The following DLG5 variants were observed in gnomAD, a reference collection of about 807,000 sequenced individuals.
DLG5 encodes disks large homolog 5.
A neutral mutation model predicts 189.8 loss-of-function variants in DLG5; 48 were observed. The ratio of observed to expected loss-of-function variants is 0.25; its 90% CI spans 0.20 to 0.32. DLG5 has a LOEUF of 0.32. Among genes scored for constraint, DLG5 ranks in the 10% least tolerant of loss-of-function variants. The probability of loss-of-function intolerance (pLI) is 1.00; values close to 1 mark genes in which losing one functional copy is unlikely to be tolerated. For synonymous variants in DLG5, 1,016 were observed against 1,054.1 expected, an observed-to-expected ratio of 0.96 and a Z score of 0.70; for missense variants, 2,160 against 2,544.7, an observed-to-expected ratio of 0.85 and a Z score of 3.25.
chr10:77,800,303 T>C (rs1841133304), intron 27 of DLG5, among the ~76,000 whole-genome samples: 1 of 152,184 alleles, frequency 6.6e-6, no homozygotes, highest in African/African-American at 2.4e-5. Flanking sequence ...TTTGAAGGCA[T>C]CGTAGAGTGG....
At chr10:77,852,516 C>T (rs535758104) in intron 5 of DLG5, among the ~76,000 whole-genome samples, 9 of 152,156 alleles carry the variant, frequency 5.9e-5, no homozygotes, top group Admixed American at 2.6e-4. Flanking sequence ...GCCGGGTTCA[C>T]GCCATTCTCC....
chr10:77,921,465 C>CT (rs1846532077), intron 1 of DLG5, among the ~76,000 whole-genome samples: 2 of 152,216 alleles, frequency 1.3e-5, no homozygotes, highest in South Asian at 2.1e-4. Context: ...ACTTCCAGCT[C>CT]TAATTTCTGA....
rs1384001658 is a variant in DLG5 at position 77,796,803 on chromosome 10, C to G, written c.5165-209G>C. ...CACCCCCCATGCCCTCTGTGAACACCAGAGGCAGCTGGTCTCAACCACTCA... is the reference window on the plus strand; with the variant it reads ...CACCCCCCATGCCCTCTGTGAACACGAGAGGCAGCTGGTCTCAACCACTCA... On this transcript the variant is annotated intron_variant, in intron 27 of 31. Coordinates refer to ENST00000372391, the MANE Select transcript of DLG5 (RefSeq NM_004747.4). This position sits in a 1 kb window ranked among gnomAD's most constrained non-coding sequence, Gnocchi z 5.2. Among the ~76,000 whole-genome samples, 1 of 152,210 alleles carries G rather than the reference C, an allele frequency of 6.6e-6. No homozygotes were observed. Among genetic ancestry groups the G allele is most frequent in the Non-Finnish European group, 1.5e-5 (1 of 68,042 alleles).
In DLG5 at chr10:77,806,781, G is replaced by A. The variant is rs769363278; in HGVS notation, c.4944C>T (p.Arg1648=). Residue 1648 remains arginine (R), a synonymous_variant, in exon 26 of 32, where the codon CGC becomes CGT. Transcript: ENST00000372391. ...ACACATATTTGCTGGGAATCTGCCC[G>A]CGCTGGATCTTCTGGGCATTCTCGT... ...QLDENAQKIQ[R]GQIPSKYVMD... is the part of the protein sequence containing the mutation. 2.1e-5 allele frequency: 28 copies of A among 1,364,000 alleles called. No homozygotes were observed. The highest frequency in any genetic ancestry group is 8.0e-5 in the South Asian group (7 of 87,846). The allele number at this position is 1,364,000 out of a possible 1,614,324, so 84.5% of individuals were successfully genotyped here. A position where few individuals can be genotyped will look rare whatever the true frequency, so the allele number is the denominator to read the frequency against.
rs7079783 is a variant in DLG5, at chr10:77,835,714, C to T, written c.1622+24G>A. On this transcript the variant is annotated intron_variant, in intron 8 of 31. Coordinates refer to ENST00000372391, the MANE Select transcript of DLG5 (RefSeq NM_004747.4). ...CTCATCCTGGGGAGACGCAAGCCCA[C>T]GCCAGCTTGAGGTCACCCCATACCG... 24,319 of 1,590,468 alleles carry T rather than the reference C, an allele frequency of 0.015. 3,080 individuals carry two copies. The African/African-American group carries it at 0.28, about 18-fold the overall frequency.
intron 18 of DLG5, 147 bp downstream of exon 18, chr10:77,817,629 AG>A: frequency 1.5e-6 from 1 of 680,034 alleles, no homozygotes; most frequent in East Asian, 2.7e-5. Context: ...TGAAGGAAGC[AG>A]CCCTTCCCAG....
chr10:77,862,352 T>C (rs1490464630), intron 2 of DLG5, among the ~76,000 whole-genome samples: 1 of 152,218 alleles, frequency 6.6e-6, no homozygotes, highest in Non-Finnish European at 1.5e-5. Context: ...CTGGATTTCT[T>C]GTATGCAATA....
chr10:77,802,610 G>T (rs1841265757), intron 27 of DLG5, among the ~76,000 whole-genome samples: 1 of 152,236 alleles, frequency 6.6e-6, no homozygotes, highest in Non-Finnish European at 1.5e-5. Flanking sequence ...GTATGGCCGG[G>T]GACAGTGCCT....
chr10:77,818,795 T>C (rs1191866132), intron 17 of DLG5, among the ~76,000 whole-genome samples: 1 of 144,604 alleles, frequency 6.9e-6, no homozygotes, highest in African/African-American at 2.6e-5. Context: ...TTTTTTTTTT[T>C]GTCTGCCTCC....
intron 1 of DLG5, among the ~76,000 whole-genome samples, chr10:77,920,284 G>A (rs1370941657): frequency 2.6e-5 from 4 of 152,164 alleles, no homozygotes; most frequent in Non-Finnish European, 4.4e-5. Flanking sequence ...TAATTACTTT[G>A]TAGAGGAGAT....
chr10:77,826,269 G>A (rs1482654251), intron 13 of DLG5, among the ~76,000 whole-genome samples: 1 of 152,212 alleles, frequency 6.6e-6, no homozygotes, highest in Non-Finnish European at 1.5e-5. Context: ...GGAGGGACTG[G>A]TCAACAACTT....
chr10:77,792,103 TA>T lies in DLG5; in HGVS notation c.*336del. On this transcript the variant is annotated 3_prime_UTR_variant, in exon 32 of 32. Coordinates refer to ENST00000372391, the MANE Select transcript of DLG5 (RefSeq NM_004747.4). ...GTTCAAGTAAACATAAACCACCAAATACTTAGAAAAGGCTTGTAAACGAGTG... is the reference window on the plus strand; with the variant it reads ...GTTCAAGTAAACATAAACCACCAAATCTTAGAAAAGGCTTGTAAACGAGTG... The T allele has an allele frequency of 3.3e-6, 1 of 299,734 alleles. No homozygotes were observed. The highest frequency in any genetic ancestry group is 6.2e-6 in the Non-Finnish European group (1 of 160,904). 18.6% of individuals were successfully genotyped at this position (299,734 alleles called of 1,614,324 possible).
At chr10:77,889,939 A>T (rs546621594) in intron 1 of DLG5, among the ~76,000 whole-genome samples, 1 of 152,310 alleles carries the variant, frequency 6.6e-6, no homozygotes, top group South Asian at 2.1e-4. Flanking sequence ...CCAAAAGTGC[A>T]GAAGATCCCA....
At chr10:77,915,259 G>A (rs898139293) in intron 1 of DLG5, among the ~76,000 whole-genome samples, 5 of 151,676 alleles carry the variant, frequency 3.3e-5, no homozygotes, top group South Asian at 2.1e-4. Flanking sequence ...CCCGGGGGAC[G>A]AAGGTTGCAG....
chr10:77,821,054 C>CT (rs1842320835), intron 15 of DLG5, 28 bp downstream of exon 15: 5 of 1,572,954 alleles, frequency 3.2e-6, no homozygotes, highest in African/African-American at 1.3e-5. Flanking sequence ...TAGGCCTCCC[C>CT]TCCCCACACC....
upstream of DLG5, among the ~76,000 whole-genome samples, chr10:77,931,165 C>T (rs2131897099): frequency 6.6e-6 from 1 of 152,126 alleles, no homozygotes; most frequent in African/African-American, 2.4e-5. Flanking sequence ...CCATGTTGGC[C>T]AAGCTGGTCT....
At chr10:77,892,166 G>A (rs776446011) in intron 1 of DLG5, among the ~76,000 whole-genome samples, 3 of 152,166 alleles carry the variant, frequency 2.0e-5, no homozygotes, top group East Asian at 1.9e-4. Flanking sequence ...TAATGGAATC[G>A]CACCCAGTCC....
intron 1 of DLG5, among the ~76,000 whole-genome samples, chr10:77,896,935 C>CA (rs1845777693): frequency 6.6e-6 from 1 of 151,592 alleles, no homozygotes; most frequent in South Asian, 2.1e-4. Flanking sequence ...ATTTTCAAAA[C>CA]AAAATGTCAG....
Position 77,834,387 on chromosome 10 carries a change from G to T in DLG5, c.1623-348C>A, listed in dbSNP as rs1843022239. Among the ~76,000 whole-genome samples the T allele has an allele frequency of 2.6e-5, 4 of 152,066 alleles. No individual in the cohort carries two copies. The South Asian group carries it at 8.3e-4, about 32-fold the overall frequency. ...TGCCAACTTGGGGAGCCAGGGGGTGGCTCTCCTCTGCATGAAGCACCCCCC... is the reference window on the plus strand; with the variant it reads ...TGCCAACTTGGGGAGCCAGGGGGTGTCTCTCCTCTGCATGAAGCACCCCCC... On this transcript the variant is annotated intron_variant, in intron 8 of 31. Transcript: ENST00000372391.
Sources: allele counts gnomAD v4.1 joint callset (sites outside exome capture counted in the v4.1 genomes callset), GRCh38; gene constraint gnomAD v4.1.1; non-coding constraint Gnocchi (gnomAD v3.1); transcripts MANE v1.5; gene names NCBI Gene and HGNC (gene_info 2026-07-23, HGNC 2026-07-21).